The following DCDC1 variants were observed in gnomAD, a reference collection of about 807,000 sequenced individuals.
DCDC1 encodes doublecortin domain-containing protein 1.
DCDC1 carries 200 observed loss-of-function variants against 178.3 expected under a neutral mutation model. The ratio of observed to expected loss-of-function variants is 1.12; its 90% CI spans 1.00 to 1.26. DCDC1 has a LOEUF of 1.26. Ranked by LOEUF, DCDC1 falls within the 50% of genes most tolerant of loss-of-function variation. The pLI, the probability that DCDC1 is intolerant of heterozygous loss-of-function variation, is 0.00. For synonymous variants in DCDC1, 690 were observed against 604.8 expected (o/e 1.14, Z -2.07); for missense variants, 1,983 against 1,749.2 (o/e 1.13, Z -2.38).
intron 20 of DCDC1, among the ~76,000 whole-genome samples, chr11:31,042,976 C>A (rs966574706): frequency 2.0e-5 from 3 of 152,126 alleles, no homozygotes; most frequent in African/African-American, 7.2e-5. Context: ...TTCTAGGCGA[C>A]TTTGTAATTG....
At chr11:30,971,857 C>T (rs1949821289) in intron 20 of DCDC1, among the ~76,000 whole-genome samples, 1 of 152,068 alleles carries the variant, frequency 6.6e-6, no homozygotes, top group South Asian at 2.1e-4. Flanking sequence ...GATCGGCCTG[C>T]CTCAGCCTCC....
At chr11:31,064,990 C>T (rs748108460) in intron 19 of DCDC1, 29 bp downstream of exon 19, 1 of 712,768 alleles carries the variant, frequency 1.4e-6, no homozygotes, top group Non-Finnish European at 2.5e-6. Flanking sequence ...AGAGCTATTT[C>T]TGTCTTGCCT....
At chr11:31,110,531 T>G (rs1185706228) in intron 11 of DCDC1, among the ~76,000 whole-genome samples, 170 bp from the exon 12 acceptor site, 1 of 152,074 alleles carries the variant, frequency 6.6e-6, no homozygotes, top group African/African-American at 2.4e-5. Flanking sequence ...TATAAACACA[T>G]GTGAGTAAGT....
intron 1 of DCDC1, among the ~76,000 whole-genome samples, chr11:31,346,377 T>C (rs1169124497): frequency 6.7e-6 from 1 of 149,646 alleles, no homozygotes; most frequent in Non-Finnish European, 1.5e-5. Context: ...GGCAGGAGAA[T>C]TGCTTGAACC....
chr11:30,961,198 G>A (rs1949074390), intron 20 of DCDC1, among the ~76,000 whole-genome samples: 1 of 152,030 alleles, frequency 6.6e-6, no homozygotes, highest in African/African-American at 2.4e-5. Context: ...ATTTGTGCAA[G>A]TCTGTATACA....
intron 9 of DCDC1, among the ~76,000 whole-genome samples, chr11:31,176,770 A>G (rs2136255600): frequency 6.6e-6 from 1 of 152,308 alleles, no homozygotes; most frequent in African/African-American, 2.4e-5. Flanking sequence ...AAGGAAAAAA[A>G]ATACTCAGCA....
intron 10 of DCDC1, among the ~76,000 whole-genome samples, chr11:31,134,711 G>A (rs754456229): frequency 4.6e-5 from 7 of 152,146 alleles, no homozygotes; most frequent in Admixed American, 3.9e-4. Context: ...AAGGCTTAAT[G>A]TGGCTGGGCA....
chr11:31,101,815 G>A (rs534755084), intron 15 of DCDC1, among the ~76,000 whole-genome samples: 1 of 152,068 alleles, frequency 6.6e-6, no homozygotes, highest in South Asian at 2.1e-4. Context: ...AGTGGCTCAC[G>A]CCTGTAATCA....
rs565379183 is a variant in DCDC1 at position 31,053,773 on chromosome 11, C to G, written c.2591+10696G>C. ...AAAGCATTCAACAAAATCCAGCATC[C>G]CTTTATGATTAAAACTCTCAGCAAA... On this transcript the variant is annotated intron_variant, in intron 20 of 38. Coordinates refer to ENST00000684477, the MANE Select transcript of DCDC1 (RefSeq NM_001387274.1). 3.3e-3 allele frequency among the ~76,000 whole-genome samples: 498 copies of G among 152,198 alleles called. 5 individuals carry two copies. The highest frequency in any genetic ancestry group is 0.012 in the African/African-American group (479 of 41,556).
intron 20 of DCDC1, among the ~76,000 whole-genome samples, chr11:30,979,536 T>C (rs759684348): frequency 5.9e-5 from 9 of 152,154 alleles, no homozygotes; most frequent in Non-Finnish European, 1.3e-4. Flanking sequence ...TAGGGAACAC[T>C]TTCACTTACC....
chr11:30,964,796 G>A (rs1029377375), intron 20 of DCDC1, among the ~76,000 whole-genome samples: 1 of 152,086 alleles, frequency 6.6e-6, no homozygotes, highest in African/African-American at 2.4e-5. Flanking sequence ...AACACAAGTG[G>A]GGAGGATGGA....
At chr11:30,906,433 G>A (rs1945065723) in intron 30 of DCDC1, 107 bp downstream of exon 30, 2 of 1,125,830 alleles carry the variant, frequency 1.8e-6, no homozygotes, top group Non-Finnish European at 2.5e-6. Context: ...TGAGGAAGAT[G>A]AATTGGATGA....
At chr11:31,022,792 C>A (rs1324941527) in intron 20 of DCDC1, among the ~76,000 whole-genome samples, 1 of 151,464 alleles carries the variant, frequency 6.6e-6, no homozygotes, top group African/African-American at 2.4e-5. Context: ...CCATACACAT[C>A]ACCTGCCTCC....
At chr11:30,940,257 GC>G (rs1035962443) in intron 21 of DCDC1, among the ~76,000 whole-genome samples, 20 of 151,978 alleles carry the variant, frequency 1.3e-4, no homozygotes, top group Admixed American at 1.1e-3. Flanking sequence ...CAATCATCAG[GC>G]CTCCCAGACA....
At chr11:31,281,174 T>C (rs1266399484) in intron 7 of DCDC1, among the ~76,000 whole-genome samples, 2 of 152,138 alleles carry the variant, frequency 1.3e-5, no homozygotes, top group Admixed American at 1.3e-4. Flanking sequence ...TATTTGATGT[T>C]CTTATCACAT....
At chr11:31,213,100 CCTCTCTCT>C (rs71060480) in intron 9 of DCDC1, among the ~76,000 whole-genome samples, 1,112 of 44,220 alleles carry the variant, frequency 0.025, 59 homozygotes, top group Middle Eastern at 0.083. Flanking sequence ...TAAAGCCCAG[CCTCTCTCT>C]CTCTCTCTCT....
intron 20 of DCDC1, among the ~76,000 whole-genome samples, chr11:31,007,443 C>A (rs950278288): frequency 2.6e-5 from 4 of 152,160 alleles, no homozygotes; most frequent in Admixed American, 6.5e-5. Flanking sequence ...TCAGTCCTAA[C>A]AGGATGAAGG....
intron 20 of DCDC1, 69 bp downstream of exon 20, chr11:31,064,400 C>G (rs1278349808): frequency 1.5e-6 from 1 of 664,494 alleles, no homozygotes; most frequent in African/African-American, 1.8e-5. Flanking sequence ...AGAAATCAAT[C>G]TTACATGAAA....
chr11:30,885,523 A>T (rs1943086170), intron 36 of DCDC1, among the ~76,000 whole-genome samples: 1 of 152,086 alleles, frequency 6.6e-6, no homozygotes, highest in Admixed American at 6.5e-5. Context: ...ATAGAAAAAC[A>T]GCAAAAGACT....
Sources: gnomAD v4.1 joint callset for allele counts (sites outside exome capture counted in the v4.1 genomes callset) on GRCh38, gnomAD v4.1.1 for gene constraint, MANE v1.5 for transcripts, NCBI Gene and HGNC (gene_info 2026-07-23, HGNC 2026-07-21) for gene names.